TNFRSF13B: variants seen among roughly 807,000 people sequenced by gnomAD.
TNFRSF13B encodes TNF receptor superfamily member 13B.
In TNFRSF13B, 34 loss-of-function variants were observed where a neutral mutation model predicts 24.0. That is an observed-to-expected ratio of 1.41 (90% CI 1.08 to 1.88). TNFRSF13B has a LOEUF of 1.88. Among genes scored for constraint, TNFRSF13B ranks in the 40% most tolerant of loss-of-function variants. TNFRSF13B has a pLI of 0.00. For synonymous variants in TNFRSF13B, 173 were observed against 150.3 expected (o/e 1.15, Z -1.10); for missense variants, 415 against 380.8 (o/e 1.09, Z -0.75).
At chr17:16,969,939 T>C (rs1331301862) in intron 1 of TNFRSF13B, among the ~76,000 whole-genome samples, 1 of 151,718 alleles carries the variant, frequency 6.6e-6, no homozygotes, top group Non-Finnish European at 1.5e-5. Flanking sequence ...CCGTGAAGGG[T>C]TGGTTGAGTG....
chr17:16,952,988 A>T (rs1268823371), intron 1 of TNFRSF13B, among the ~76,000 whole-genome samples: 1 of 151,914 alleles, frequency 6.6e-6, no homozygotes, highest in Non-Finnish European at 1.5e-5. Context: ...TCAGACTGAG[A>T]CCTCTGTCTA....
intron 3 of TNFRSF13B, chr17:16,941,293 G>A: frequency 9.1e-6 from 9 of 987,696 alleles, no homozygotes; most frequent in African/African-American, 1.7e-5. Context: ...ACTGAGACCA[G>A]GACAGCAGGT....
chr17:16,949,611 G>A (rs1346012017), intron 2 of TNFRSF13B, among the ~76,000 whole-genome samples: 2 of 151,932 alleles, frequency 1.3e-5, no homozygotes, highest in African/African-American at 2.4e-5. Context: ...GAGCACAGTG[G>A]ACCCAACTTT....
intron 1 of TNFRSF13B, among the ~76,000 whole-genome samples, chr17:16,969,918 G>A (rs138286999): frequency 2.8e-4 from 42 of 152,240 alleles, no homozygotes; most frequent in African/African-American, 8.7e-4. Context: ...GCCACCACCC[G>A]CCGCATATCA....
chr17:16,970,578 T>C (rs2087736875), intron 1 of TNFRSF13B, among the ~76,000 whole-genome samples: 1 of 152,226 alleles, frequency 6.6e-6, no homozygotes, highest in South Asian at 2.1e-4. Flanking sequence ...ATCAAAGCAC[T>C]TTTGTGTGTT....
chr17:16,972,041 C>T lies in TNFRSF13B; in HGVS notation c.35G>A (p.Arg12Gln), dbSNP rs754315707. Reference sequence around the variant, plus strand: ...GCGCTCCTCCTGGTCCACACGGCTCCGGCCACCTCGCCTGCTCCGGCCCAG... The same window carrying T: ...GCGCTCCTCCTGGTCCACACGGCTCTGGCCACCTCGCCTGCTCCGGCCCAG... The part of the protein sequence containing the change: ...SGLGRSRRGG[R>Q]SRVDQEERFP... The change falls in exon 1 of 5, where the codon CGG (arginine) becomes CAG (glutamine). Residue 12 changes from arginine (R) to glutamine (Q), a missense_variant. By Grantham distance (43) the Arg-to-Gln change is conservative. Transcript: ENST00000261652. 2.7e-5 allele frequency: 43 copies of T among 1,613,972 alleles called. 1 individual carries two copies. The highest frequency in any genetic ancestry group is 2.4e-4 in the South Asian group (22 of 91,084).
chr17:16,959,679 TATAAA>T (rs967887108), intron 1 of TNFRSF13B, among the ~76,000 whole-genome samples: 1 of 152,020 alleles, frequency 6.6e-6, no homozygotes, highest in African/African-American at 2.4e-5. Context: ...TAAAAAGGAT[TATAAA>T]AGAATACTAT....
At chr17:16,967,751 C>CAAAAAAAAAAAAAAAAAAAA (rs975103327) in intron 1 of TNFRSF13B, among the ~76,000 whole-genome samples, 7 of 24,478 alleles carry the variant, frequency 2.9e-4, no homozygotes, top group African/African-American at 4.6e-4. Flanking sequence ...GACTCCGTCT[C>CAAAAAAAAAAAAAAAAAAAA]AAAAAAAAAA....
At chr17:16,952,198 GA>G (rs890092918) in intron 2 of TNFRSF13B, among the ~76,000 whole-genome samples, 1 of 152,180 alleles carries the variant, frequency 6.6e-6, no homozygotes, top group Non-Finnish European at 1.5e-5. Context: ...ATGATAGAGG[GA>G]ATGCATTCCA....
At chr17:16,943,881 C>A (rs941097336) in intron 3 of TNFRSF13B, among the ~76,000 whole-genome samples, 1 of 152,180 alleles carries the variant, frequency 6.6e-6, no homozygotes, top group African/African-American at 2.4e-5. Flanking sequence ...GACACACACA[C>A]TCCCTGCACC....
intron 1 of TNFRSF13B, among the ~76,000 whole-genome samples, chr17:16,969,163 T>C (rs1597670846): frequency 2.6e-5 from 4 of 152,330 alleles, no homozygotes; most frequent in East Asian, 3.9e-4. Flanking sequence ...AAACATAGAA[T>C]TTATCATATG....
chr17:16,940,528 G>A lies in TNFRSF13B; in HGVS notation c.446-17C>T, dbSNP rs766106659. ...CCGGGAGAGCTGCAAGACAGCATGA[G>A]ACCCCTCTCTGCAGTGCCTTCTTCT... On this transcript the variant is annotated splice_polypyrimidine_tract_variant and intron_variant, in intron 3 of 4. Transcript: ENST00000261652. 4 of 1,611,716 alleles carry A rather than the reference G, an allele frequency of 2.5e-6. No homozygotes were observed. Among genetic ancestry groups the A allele is most frequent in the Non-Finnish European group, 3.4e-6 (4 of 1,179,582 alleles).
chr17:16,963,811 A>G (rs944078937), intron 1 of TNFRSF13B, among the ~76,000 whole-genome samples: 9 of 152,104 alleles, frequency 5.9e-5, no homozygotes, highest in Non-Finnish European at 8.8e-5. Flanking sequence ...CGGCCTCCCA[A>G]AGTGCTGGGA....
At chr17:16,945,550 G>A (rs908659881) in intron 3 of TNFRSF13B, among the ~76,000 whole-genome samples, 1 of 152,210 alleles carries the variant, frequency 6.6e-6, no homozygotes, top group East Asian at 1.9e-4. Flanking sequence ...AATGACCCAC[G>A]GGGGAATCTG....
At chr17:16,952,889 T>C (rs1359487756) in intron 1 of TNFRSF13B, among the ~76,000 whole-genome samples, 1 of 152,108 alleles carries the variant, frequency 6.6e-6, no homozygotes, top group Non-Finnish European at 1.5e-5. Flanking sequence ...GTGCCACGCC[T>C]CTCCCTGCCA....
intron 1 of TNFRSF13B, among the ~76,000 whole-genome samples, chr17:16,957,225 T>C (rs906901676): frequency 6.6e-6 from 1 of 150,608 alleles, no homozygotes; most frequent in African/African-American, 2.5e-5. Context: ...AATGAAAAAG[T>C]TCAAAAAGTG....
chr17:16,964,569 G>C (rs935694209), intron 1 of TNFRSF13B, among the ~76,000 whole-genome samples: 2 of 152,174 alleles, frequency 1.3e-5, no homozygotes, highest in East Asian at 3.9e-4. Flanking sequence ...TCGAACCCCT[G>C]ACCTCAGGTG....
At chr17:16,970,770 G>T (rs925758333) in intron 1 of TNFRSF13B, among the ~76,000 whole-genome samples, 1 of 152,176 alleles carries the variant, frequency 6.6e-6, no homozygotes, top group Non-Finnish European at 1.5e-5. Flanking sequence ...CCAGAGCACT[G>T]GGCAATTTCA....
chr17:16,944,412 C>T (rs970884357), intron 3 of TNFRSF13B, among the ~76,000 whole-genome samples: 1 of 152,178 alleles, frequency 6.6e-6, no homozygotes, highest in Non-Finnish European at 1.5e-5. Context: ...AGGCGAACAA[C>T]TCCAGCCTCA....
Sources: allele counts gnomAD v4.1 joint callset (sites outside exome capture counted in the v4.1 genomes callset), GRCh38; gene constraint gnomAD v4.1.1; transcripts MANE v1.5; gene names NCBI Gene and HGNC (gene_info 2026-07-23, HGNC 2026-07-21).